CPED1: variants seen among roughly 807,000 people sequenced by gnomAD.
CPED1 encodes cadherin like and PC-esterase domain containing 1.
A neutral mutation model predicts 128.2 loss-of-function variants in CPED1; 114 were observed. That is an observed-to-expected ratio of 0.89 (90% CI 0.76 to 1.04). The LOEUF (loss-of-function observed/expected upper bound fraction) is 1.04, where lower values mean the gene tolerates loss of function less well. Among genes scored for constraint, CPED1 ranks in the 50% least tolerant of loss-of-function variants. The pLI, the probability that CPED1 is intolerant of heterozygous loss-of-function variation, is 0.00. For missense variants in CPED1, 1,211 were observed against 1,207.1 expected (o/e 1.00, Z -0.05); for synonymous variants, 462 against 426.7 (o/e 1.08, Z -1.02).
chr7:121,047,123 G>C, intron 4 of CPED1, 130 bp downstream of exon 4: 1 of 559,704 alleles, frequency 1.8e-6, no homozygotes, highest in Non-Finnish European at 3.1e-6. Context: ...CTTCCAACTG[G>C]CCATGCCTTA....
intron 21 of CPED1, among the ~76,000 whole-genome samples, chr7:121,268,574 C>T (rs1320956232): frequency 3.9e-5 from 6 of 152,032 alleles, no homozygotes; most frequent in Admixed American, 3.9e-4. Flanking sequence ...CTCATATAGC[C>T]ATTCAGTGCT....
chr7:121,056,380 AC>A (rs986618365), intron 4 of CPED1, among the ~76,000 whole-genome samples: 100 of 152,332 alleles, frequency 6.6e-4, no homozygotes, highest in African/African-American at 2.3e-3. Context: ...AAAGAAAAAA[AC>A]AACAAACATT....
Position 121,036,512 on chromosome 7 carries a change from T to A in CPED1, c.434-10375T>A, listed in dbSNP as rs1259561307. On this transcript the variant is annotated intron_variant, in intron 3 of 22. Transcript: ENST00000310396. ...GTGTATATATATATATATATATTTT[T>A]TTTTTCTTTCTTTATCCACTCATTG... 1.4e-3 allele frequency among the ~76,000 whole-genome samples: 200 copies of A among 140,926 alleles called. 1 individual carries two copies. The highest frequency in any genetic ancestry group is 4.7e-3 in the African/African-American group (175 of 37,044). The allele number at this position is 140,926 out of a possible 152,430, so 92.5% of individuals were successfully genotyped here. A position where few individuals can be genotyped will look rare whatever the true frequency, so the allele number is the denominator to read the frequency against.
At chr7:121,165,306 T>G (rs1796499545) in intron 16 of CPED1, among the ~76,000 whole-genome samples, 1 of 152,148 alleles carries the variant, frequency 6.6e-6, no homozygotes, top group African/African-American at 2.4e-5. Flanking sequence ...TTGGTGTTGT[T>G]TGTAACTGTT....
intron 3 of CPED1, among the ~76,000 whole-genome samples, chr7:121,046,428 G>A (rs969129045): frequency 6.6e-6 from 1 of 152,020 alleles, no homozygotes; most frequent in African/African-American, 2.4e-5. Context: ...ATGAAAAACA[G>A]TGGGAAGACC....
intron 5 of CPED1, among the ~76,000 whole-genome samples, chr7:121,072,504 C>A (rs1047378168): frequency 2.0e-5 from 3 of 151,846 alleles, no homozygotes; most frequent in Non-Finnish European, 2.9e-5. Flanking sequence ...ATGCTTTTTT[C>A]AATTCAGTAT....
chr7:121,238,274 G>A (rs988938836), intron 17 of CPED1, among the ~76,000 whole-genome samples: 1 of 152,156 alleles, frequency 6.6e-6, no homozygotes, highest in Non-Finnish European at 1.5e-5. Flanking sequence ...CACAAATCAA[G>A]TGCACGCTCC....
rs1795598813 is a variant in CPED1 at position 121,129,312 on chromosome 7, CGTATATAT to C, written c.1408-812_1408-805del. Among the ~76,000 whole-genome samples the C allele has an allele frequency of 2.9e-4, 4 of 13,650 alleles. 1 individual carries two copies. In the South Asian group the frequency reaches 0.01, roughly 35 times the overall value. 9.0% of individuals were successfully genotyped at this position (13,650 alleles called of 152,430 possible). A position where few individuals can be genotyped will look rare whatever the true frequency, so the allele number is the denominator to read the frequency against. On this transcript the variant is annotated intron_variant, in intron 11 of 22. Coordinates refer to ENST00000310396, the MANE Select transcript of CPED1 (RefSeq NM_024913.5). ...GTATATATATATATATATATATATA[CGTATATAT>C]ATATATATATATATACGTATATATA...
intron 22 of CPED1, among the ~76,000 whole-genome samples, chr7:121,287,813 A>G (rs1404625274): frequency 6.6e-6 from 1 of 152,114 alleles, no homozygotes; most frequent in African/African-American, 2.4e-5. Flanking sequence ...GACTCATTAA[A>G]CTTTTGATAT....
intron 5 of CPED1, among the ~76,000 whole-genome samples, chr7:121,065,179 A>G (rs924759025): frequency 6.6e-6 from 1 of 152,172 alleles, no homozygotes; most frequent in Admixed American, 6.5e-5. Flanking sequence ...GGCATGTTCC[A>G]CTGTAAAGAC....
intron 13 of CPED1, 116 bp from the exon 14 acceptor site, chr7:121,135,924 T>C (rs1216253996): frequency 2.7e-6 from 2 of 728,056 alleles, no homozygotes; most frequent in South Asian, 2.4e-5. Flanking sequence ...TGTTCACTAG[T>C]ATAATAAAAG....
At chr7:121,214,269 G>A (rs929298329) in intron 16 of CPED1, among the ~76,000 whole-genome samples, 2 of 151,810 alleles carry the variant, frequency 1.3e-5, no homozygotes, top group Admixed American at 1.3e-4. Flanking sequence ...TGACCTTTAA[G>A]GCTGCTCCTT....
At chr7:121,137,345 C>T (rs1186541092) in intron 14 of CPED1, among the ~76,000 whole-genome samples, 2 of 151,798 alleles carry the variant, frequency 1.3e-5, no homozygotes. Flanking sequence ...ACAATTTATG[C>T]AATTTTGTAT....
chr7:121,057,080 C>T (rs931262692), intron 4 of CPED1, among the ~76,000 whole-genome samples: 15 of 151,978 alleles, frequency 9.9e-5, no homozygotes, highest in Non-Finnish European at 1.5e-5. Context: ...CAGGTTCAAG[C>T]GATTCTCCTG....
chr7:121,154,596 A>G (rs991817977), intron 16 of CPED1, among the ~76,000 whole-genome samples: 1 of 151,810 alleles, frequency 6.6e-6, no homozygotes, highest in Admixed American at 6.6e-5. Context: ...GCCAGGCTGT[A>G]GTTCAGTGGC....
chr7:121,088,780 A>AAAAAAAAAAAAAAAAAAAAAC (rs1794506959), intron 5 of CPED1, among the ~76,000 whole-genome samples: 1 of 149,264 alleles, frequency 6.7e-6, no homozygotes, highest in Non-Finnish European at 1.5e-5. Flanking sequence ...AAAAAAAAAA[A>AAAAAAAAAAAAAAAAAAAAAC]AAAAAAAAAA....
At chr7:121,223,111 T>C (rs745886473) in intron 16 of CPED1, among the ~76,000 whole-genome samples, 25 of 152,230 alleles carry the variant, frequency 1.6e-4, no homozygotes, top group Non-Finnish European at 3.1e-4. Flanking sequence ...ATAGCTCTTA[T>C]TATTTTGAGA....
At chr7:121,033,432 C>T (rs924058370) in intron 3 of CPED1, among the ~76,000 whole-genome samples, 66 of 152,288 alleles carry the variant, frequency 4.3e-4, no homozygotes, top group African/African-American at 1.6e-3. Context: ...ATCTACCTAC[C>T]ACCTACCTAG....
At position 121,295,740 on chromosome 7, in the gene CPED1, C is replaced by G. The variant is rs1275625644; in HGVS notation, c.*88C>G. 1.8e-6 allele frequency: 2 copies of G among 1,082,542 alleles called. No individual in the cohort carries two copies. The highest frequency in any genetic ancestry group is 2.8e-6 in the Non-Finnish European group (2 of 719,950). The allele number at this position is 1,082,542 out of a possible 1,614,324, so 67.1% of individuals were successfully genotyped here. A position where few individuals can be genotyped will look rare whatever the true frequency, so the allele number is the denominator to read the frequency against. ...GGAGCCAAGCGCTGCACATCGCACA[C>G]ATTTGGGATCGACCACACACACTTG... On this transcript the variant is annotated 3_prime_UTR_variant, in exon 23 of 23. Transcript: ENST00000310396.
Sources: gnomAD v4.1 joint callset for allele counts (sites outside exome capture counted in the v4.1 genomes callset) on GRCh38, gnomAD v4.1.1 for gene constraint, MANE v1.5 for transcripts, NCBI Gene and HGNC (gene_info 2026-07-23, HGNC 2026-07-21) for gene names.